Variants in PCSK2 observed in about 807,000 individuals in gnomAD.
PCSK2 encodes the protein proprotein convertase subtilisin/kexin type 2.
A neutral mutation model predicts 69.7 loss-of-function variants in PCSK2; 14 were observed. The ratio of observed to expected loss-of-function variants is 0.20; its 90% CI spans 0.13 to 0.31. The LOEUF (loss-of-function observed/expected upper bound fraction) is 0.31. Ranked by LOEUF, PCSK2 falls within the 10% of genes least tolerant of loss-of-function variation. The probability of loss-of-function intolerance (pLI) is 1.00; values close to 1 mark genes in which losing one functional copy is unlikely to be tolerated. For synonymous variants in PCSK2, 307 were observed against 320.7 expected, an observed-to-expected ratio of 0.96 and a Z score of 0.46; for missense variants, 544 against 842.5, an observed-to-expected ratio of 0.65 and a Z score of 4.39.
At chr20:17,353,337 C>A (rs1410965747) in intron 2 of PCSK2, among the ~76,000 whole-genome samples, 1 of 151,854 alleles carries the variant, frequency 6.6e-6, no homozygotes, top group Admixed American at 6.6e-5. Context: ...TGGTGGCACA[C>A]GCCTATAGTC....
chr20:17,439,881 G>A (rs1186204408), intron 8 of PCSK2, among the ~76,000 whole-genome samples: 2 of 152,202 alleles, frequency 1.3e-5, no homozygotes, highest in African/African-American at 4.8e-5. Flanking sequence ...AGGTCTTTGT[G>A]ACATTCTGGG....
intron 1 of PCSK2, 144 bp from the exon 2 acceptor site, chr20:17,260,096 A>G (rs2122997809): frequency 1.5e-6 from 1 of 657,032 alleles, no homozygotes; most frequent in Non-Finnish European, 2.7e-6. Context: ...ATAGAGGACC[A>G]GGACTGACAG....
chr20:17,317,762 A>G (rs987025893), intron 2 of PCSK2, among the ~76,000 whole-genome samples: 9 of 152,254 alleles, frequency 5.9e-5, no homozygotes, highest in African/African-American at 2.2e-4. Flanking sequence ...CCAAAATAAA[A>G]GAGACATGGG....
intron 2 of PCSK2, among the ~76,000 whole-genome samples, chr20:17,288,969 C>A (rs1052888491): frequency 6.6e-6 from 1 of 152,254 alleles, no homozygotes; most frequent in East Asian, 1.9e-4. Flanking sequence ...AGGAAAGCTG[C>A]GTTCTTGTGC....
chr20:17,437,142 G>A (rs2281205), intron 8 of PCSK2, among the ~76,000 whole-genome samples: 15 of 151,694 alleles, frequency 9.9e-5, no homozygotes, highest in South Asian at 4.1e-4. Context: ...GGGGCCGGGG[G>A]GGGGAGGGTC....
intron 11 of PCSK2, among the ~76,000 whole-genome samples, chr20:17,471,475 G>C (rs1234260599): frequency 6.6e-6 from 1 of 152,198 alleles, no homozygotes; most frequent in Non-Finnish European, 1.5e-5. Flanking sequence ...GCCTACAATA[G>C]TGCTGGGCAT....
chr20:17,260,003 T>C (rs1372554227), intron 1 of PCSK2, among the ~76,000 whole-genome samples: 1 of 151,756 alleles, frequency 6.6e-6, no homozygotes, highest in Non-Finnish European at 1.5e-5. Flanking sequence ...GGGGAAAGAA[T>C]AGAAGGTATT....
At chr20:17,235,541 C>T (rs2122939495) in intron 1 of PCSK2, among the ~76,000 whole-genome samples, 1 of 152,200 alleles carries the variant, frequency 6.6e-6, no homozygotes, top group East Asian at 1.9e-4. Flanking sequence ...AAGATAATAA[C>T]TTAGGTTTAA....
At chr20:17,363,358 T>C (rs1174139199) in intron 4 of PCSK2, among the ~76,000 whole-genome samples, 1 of 152,202 alleles carries the variant, frequency 6.6e-6, no homozygotes, top group African/African-American at 2.4e-5. Flanking sequence ...ACATGCTACA[T>C]ATCACTAGGA....
At chr20:17,458,024 T>TA (rs1352704231) in intron 10 of PCSK2, among the ~76,000 whole-genome samples, 4 of 152,208 alleles carry the variant, frequency 2.6e-5, no homozygotes, top group African/African-American at 9.7e-5. Flanking sequence ...TTTTAGCACA[T>TA]ACGTCCAGAT....
At chr20:17,371,463 C>T (rs2030760567) in intron 5 of PCSK2, among the ~76,000 whole-genome samples, 1 of 152,212 alleles carries the variant, frequency 6.6e-6, no homozygotes, top group African/African-American at 2.4e-5. Flanking sequence ...TACCAGAATA[C>T]ACCTGAAGAA....
At chr20:17,340,637 G>T (rs975403179) in intron 2 of PCSK2, among the ~76,000 whole-genome samples, 1 of 151,978 alleles carries the variant, frequency 6.6e-6, no homozygotes, top group African/African-American at 2.4e-5. Flanking sequence ...CTCCTATTTT[G>T]TTACAATCTT....
intron 2 of PCSK2, among the ~76,000 whole-genome samples, chr20:17,339,438 A>G (rs1188846162): frequency 1.3e-5 from 2 of 151,094 alleles, no homozygotes; most frequent in East Asian, 1.9e-4. Flanking sequence ...GGCTTTGGCC[A>G]TTTAGCATTG....
intron 2 of PCSK2, among the ~76,000 whole-genome samples, chr20:17,310,361 GATA>G (rs1989466984): frequency 1.3e-5 from 2 of 152,060 alleles, no homozygotes; most frequent in African/African-American, 4.8e-5. Context: ...AAACATTGAT[GATA>G]ATAAACAATC....
chr20:17,311,255 A>T (rs1460784402), intron 2 of PCSK2, among the ~76,000 whole-genome samples: 1 of 152,178 alleles, frequency 6.6e-6, no homozygotes, highest in Admixed American at 6.5e-5. Flanking sequence ...AAAGATTTCC[A>T]TTGAAAACAT....
At chr20:17,347,877 A>AG (rs1600510615) in intron 2 of PCSK2, among the ~76,000 whole-genome samples, 42 of 3,378 alleles carry the variant, frequency 0.012, no homozygotes, top group Admixed American at 0.03. Context: ...GAGAAAAAAG[A>AG]AAGAAAGAAA....
rs74510257 is a variant in PCSK2, at chr20:17,421,014, A to G, written c.621-8421A>G. On this transcript the variant is annotated intron_variant, in intron 6 of 11. Transcript: ENST00000262545. ...AAAGAAAAGTAGGAGAATTTATGCT[A>G]CAGGAGTAAATGTAGCATTCACCCA... Among the ~76,000 whole-genome samples the G allele has an allele frequency of 7.1e-3, 1,088 of 152,336 alleles. 38 individuals carry two copies. Among genetic ancestry groups the G allele is most frequent in the Admixed American group, 0.06 (912 of 15,292 alleles).
intron 8 of PCSK2, among the ~76,000 whole-genome samples, chr20:17,446,196 A>T (rs1350149799): frequency 6.6e-6 from 1 of 152,238 alleles, no homozygotes. Flanking sequence ...ATAACACAGG[A>T]TTCTGACCTC....
chr20:17,385,441 A>G lies in PCSK2; in HGVS notation c.543+16164A>G, dbSNP rs571902036. On this transcript the variant is annotated intron_variant, in intron 5 of 11. Coordinates refer to ENST00000262545, the MANE Select transcript of PCSK2 (RefSeq NM_002594.5). ...TCTTATGAAACTCTCCTCCCTTCCA[A>G]TAAAATCCCTGATTAAGAAACAAAA... 1.2e-4 allele frequency among the ~76,000 whole-genome samples: 18 copies of G among 152,348 alleles called. No individual in the cohort carries two copies. In the South Asian group the frequency reaches 3.7e-3, roughly 32 times the overall value.
Sources: allele counts gnomAD v4.1 joint callset (sites outside exome capture counted in the v4.1 genomes callset), GRCh38; gene constraint gnomAD v4.1.1; transcripts MANE v1.5; gene names NCBI Gene and HGNC (gene_info 2026-07-23, HGNC 2026-07-21).